Variants in PTPRQ observed in about 807,000 individuals in gnomAD.
PTPRQ encodes the protein protein tyrosine phosphatase receptor type Q, also known as phosphatidylinositol phosphatase PTPRQ.
Under a neutral mutation model 246.0 loss-of-function variants are expected in PTPRQ, and 199 were observed. That is an observed-to-expected ratio of 0.81 (90% confidence interval 0.72 to 0.91). The LOEUF (loss-of-function observed/expected upper bound fraction) is 0.91, where lower values mean the gene tolerates loss of function less well. Ranked by LOEUF, PTPRQ falls within the 40% of genes least tolerant of loss-of-function variation. The pLI is 0.00. For synonymous variants in PTPRQ, 869 were observed against 853.2 expected (o/e 1.02, Z -0.32); for missense variants, 2,624 against 2,528.4 (o/e 1.04, Z -0.81).
chr12:80,482,046 A>C (rs1436486801), intron 8 of PTPRQ, among the ~76,000 whole-genome samples: 1 of 149,560 alleles, frequency 6.7e-6, no homozygotes, highest in Admixed American at 6.7e-5. Context: ...ATATGGAACC[A>C]AAAAAGAGCC....
chr12:80,657,962 T>C, intron 38 of PTPRQ, 23 bp from the exon 39 acceptor site: 1 of 1,375,588 alleles, frequency 7.3e-7, no homozygotes, highest in South Asian at 1.8e-5. Context: ...CAATTAACAT[T>C]GATTCCTTAT....
intron 8 of PTPRQ, among the ~76,000 whole-genome samples, chr12:80,476,000 G>C (rs1279717978): frequency 6.6e-6 from 1 of 151,314 alleles, no homozygotes; most frequent in Non-Finnish European, 1.5e-5. Flanking sequence ...TCTTTCAATA[G>C]GCAGGGTTTA....
intron 3 of PTPRQ, among the ~76,000 whole-genome samples, chr12:80,449,774 T>A (rs1471160531): frequency 1.3e-5 from 2 of 152,216 alleles, no homozygotes; most frequent in Non-Finnish European, 2.9e-5. Context: ...TTTTGGTTAC[T>A]GTAGCCTTAT....
At position 80,622,098 on chromosome 12, in the gene PTPRQ, A is replaced by T. The variant is rs905646211; in HGVS notation, c.5650A>T (p.Thr1884Ser). ...FRATNIMGQFTDSDYSDPVKT... is the reference protein window; with the variant it reads ...FRATNIMGQFSDSDYSDPVKT... ...AGCTACAAATATTATGGGACAATTT[A>T]CTGACTCTGATTATTCTGACCCTGT... Residue 1884 changes from threonine to serine, a missense_variant, in exon 33 of 45, where the codon ACT (threonine) becomes TCT (serine). By Grantham distance (58) the Thr-to-Ser change is moderately conservative (BLOSUM62 1). Transcript: ENST00000644991. The T allele has an allele frequency of 4.8e-6, 7 of 1,449,200 alleles. No homozygotes were observed. In the African/African-American group the frequency reaches 1.0e-4, roughly 21 times the overall value. The allele number at this position is 1,449,200 out of a possible 1,614,324, so 89.8% of individuals were successfully genotyped here.
At position 80,444,359 on chromosome 12, in the gene PTPRQ, T is replaced by C. The variant is rs1180324913; in HGVS notation, c.14T>C (p.Ile5Thr). The C allele has an allele frequency of 1.6e-5, 23 of 1,463,452 alleles. No homozygotes were observed. Among genetic ancestry groups the C allele is most frequent in the Non-Finnish European group, 2.1e-5 (23 of 1,070,308 alleles). The allele number at this position is 1,463,452 out of a possible 1,614,324, so 90.7% of individuals were successfully genotyped here. ...AATGTAATAAAGATGGATTTTCTTA[T>C]CATTTTTCTTTTACTTTTTATTGGG... MDFL[I>T]IFLLLFIGTS... The change falls in exon 1 of 45, where the codon ATC (isoleucine) becomes ACC (threonine). Residue 5 changes from isoleucine (I) to threonine (T), a missense_variant. Ile to Thr is a moderately conservative substitution (Grantham distance 89). Transcript: ENST00000644991.
chr12:80,621,571 T>C (rs1248111511), intron 32 of PTPRQ, among the ~76,000 whole-genome samples: 1 of 152,066 alleles, frequency 6.6e-6, no homozygotes, highest in East Asian at 1.9e-4. Context: ...AGTATACAAA[T>C]GCAACTGTGC....
intron 30 of PTPRQ, among the ~76,000 whole-genome samples, chr12:80,616,813 A>T (rs1225157508): frequency 6.6e-6 from 1 of 151,206 alleles, no homozygotes; most frequent in Non-Finnish European, 1.5e-5. Flanking sequence ...ATCCTTTCAA[A>T]ATAAAACAAA....
In PTPRQ at chr12:80,479,911, C is replaced by T. The variant is rs766345811; in HGVS notation, c.1187-4522C>T. ...ACCTACAAAGAGACTTAGACTCCCA[C>T]ACATTAATAATGGGAGACTTTAACA... On this transcript the variant is annotated intron_variant, in intron 8 of 44. Transcript: ENST00000644991. Among the ~76,000 whole-genome samples, 1,094 of 151,256 alleles carry T rather than the reference C, an allele frequency of 7.2e-3. 5 individuals carry two copies. Among genetic ancestry groups the T allele is most frequent in the Middle Eastern group, 0.024 (7 of 292 alleles).
chr12:80,522,961 T>G (rs1895552964), intron 17 of PTPRQ, among the ~76,000 whole-genome samples: 1 of 152,214 alleles, frequency 6.6e-6, no homozygotes, highest in Admixed American at 6.5e-5. Flanking sequence ...CTTGTACCTC[T>G]GGTAGAATTC....
chr12:80,658,115 T>C, intron 39 of PTPRQ, 54 bp downstream of exon 39: 1 of 1,101,018 alleles, frequency 9.1e-7, no homozygotes, highest in Non-Finnish European at 1.2e-6. Context: ...TTACTGAAAT[T>C]GTATTATCTT....
At chr12:80,669,547 C>T in intron 41 of PTPRQ, 83 bp downstream of exon 41, 2 of 1,458,798 alleles carry the variant, frequency 1.4e-6, no homozygotes, top group East Asian at 2.5e-5. Context: ...ATTTCTAGAA[C>T]TATCCCTTTC....
At chr12:80,573,745 A>G (rs1352268863) in intron 25 of PTPRQ, among the ~76,000 whole-genome samples, 2 of 152,228 alleles carry the variant, frequency 1.3e-5, no homozygotes, top group East Asian at 3.9e-4. Flanking sequence ...CTTTCTTTTT[A>G]TACATCTTAA....
intron 25 of PTPRQ, among the ~76,000 whole-genome samples, chr12:80,554,323 C>A (rs1426048264): frequency 6.6e-6 from 1 of 151,952 alleles, no homozygotes; most frequent in Non-Finnish European, 1.5e-5. Flanking sequence ...ATCTTGTGTA[C>A]CCTGTAAATA....
At chr12:80,469,492 T>C (rs5028207) in intron 7 of PTPRQ, among the ~76,000 whole-genome samples, 13,903 of 152,160 alleles carry the variant, frequency 0.091, 1,307 homozygotes, top group African/African-American at 0.23. Flanking sequence ...AATTCTCTCC[T>C]GATTGAGAGC....
intron 26 of PTPRQ, among the ~76,000 whole-genome samples, chr12:80,588,869 C>A (rs549564875): frequency 6.6e-6 from 1 of 152,184 alleles, no homozygotes. Context: ...CACACACACA[C>A]GTGTGACCAC....
intron 9 of PTPRQ, among the ~76,000 whole-genome samples, chr12:80,485,361 T>A (rs6539521): frequency 0.29 from 44,283 of 151,996 alleles, 8,258 homozygotes; most frequent in African/African-American, 0.53. Flanking sequence ...AAGAATAAAC[T>A]TCCTTAGGAC....
At chr12:80,465,695 T>A (rs1027729574) in intron 6 of PTPRQ, among the ~76,000 whole-genome samples, 13 of 152,010 alleles carry the variant, frequency 8.6e-5, no homozygotes, top group African/African-American at 3.1e-4. Context: ...GCAAGGCTGG[T>A]TCAATATACA....
intron 26 of PTPRQ, among the ~76,000 whole-genome samples, chr12:80,598,307 G>A (rs756398158): frequency 1.3e-5 from 2 of 151,948 alleles, no homozygotes; most frequent in Non-Finnish European, 1.5e-5. Flanking sequence ...GTGGTGATGC[G>A]TTTTGGTCAG....
rs4439581 is a variant in PTPRQ at position 80,456,753 on chromosome 12, A to G, written c.391-822A>G. ...AGAATTCCAAAGGGTATTTGGCATG[A>G]TACATTTGATGTCTTCAGTGTAAGT... On this transcript the variant is annotated intron_variant, in intron 3 of 44. Transcript: ENST00000644991. Among the ~76,000 whole-genome samples, 59,072 of 151,980 alleles carry G rather than the reference A, an allele frequency of 0.39. 13,157 individuals carry two copies. Among genetic ancestry groups the G allele is most frequent in the African/African-American group, 0.61 (25,462 of 41,478 alleles).
Sources: allele counts gnomAD v4.1 joint callset (sites outside exome capture counted in the v4.1 genomes callset), GRCh38; gene constraint gnomAD v4.1.1; transcripts MANE v1.5; gene names NCBI Gene and HGNC (gene_info 2026-07-23, HGNC 2026-07-21).